TATDN1: variants seen among roughly 807,000 people sequenced by gnomAD.
The protein encoded by TATDN1 is TatD DNase domain containing 1.
TATDN1 carries 40 observed loss-of-function variants against 46.4 expected under a neutral mutation model. The observed-to-expected ratio is 0.86, with a 90% CI of 0.67 to 1.12. The LOEUF is 1.12. TATDN1 is among the 50% of genes most tolerant of loss of function. The probability of loss-of-function intolerance (pLI) is 0.00; values close to 1 mark genes in which losing one functional copy is unlikely to be tolerated. For missense variants in TATDN1, 326 were observed against 348.4 expected, an observed-to-expected ratio of 0.94 and a Z score of 0.51; for synonymous variants, 95 against 105.6, an observed-to-expected ratio of 0.90 and a Z score of 0.62.
At chr8:124,515,692 T>C in intron 6 of TATDN1, 54 bp downstream of exon 6, 1 of 1,539,962 alleles carries the variant, frequency 6.5e-7, no homozygotes, top group Non-Finnish European at 8.9e-7. Flanking sequence ...ACAAGATATT[T>C]TAAAAATCAC....
At chr8:124,538,890 C>T in intron 1 of TATDN1, 135 bp downstream of exon 1, 3 of 978,648 alleles carry the variant, frequency 3.1e-6, no homozygotes, top group Admixed American at 4.0e-5. Flanking sequence ...GAAACCTCCC[C>T]GCGCCCTCCT....
At chr8:124,534,055 A>G (rs1051550713) in intron 1 of TATDN1, among the ~76,000 whole-genome samples, 10 of 144,868 alleles carry the variant, frequency 6.9e-5, no homozygotes, top group African/African-American at 2.6e-4. Flanking sequence ...CTGAGGCAGG[A>G]GAATGGCGTG....
chr8:124,507,316 A>T (rs905599374), intron 8 of TATDN1, among the ~76,000 whole-genome samples: 2 of 152,250 alleles, frequency 1.3e-5, no homozygotes, highest in African/African-American at 4.8e-5. Flanking sequence ...TCTCTAGATC[A>T]GAATAGTAGG....
At chr8:124,504,465 G>T in intron 8 of TATDN1, 118 bp from the exon 9 acceptor site, 2 of 511,220 alleles carry the variant, frequency 3.9e-6, no homozygotes, top group Non-Finnish European at 6.6e-6. Flanking sequence ...GGACCTCAGG[G>T]TTTCAAAGGT....
intron 6 of TATDN1, among the ~76,000 whole-genome samples, chr8:124,512,535 G>C (rs1437418351): frequency 6.6e-6 from 1 of 152,196 alleles, no homozygotes; most frequent in Non-Finnish European, 1.5e-5. Context: ...AATAGTGAAA[G>C]CTGAATTATA....
At chr8:124,517,001 G>C (rs1457203502) in intron 4 of TATDN1, among the ~76,000 whole-genome samples, 4 of 152,228 alleles carry the variant, frequency 2.6e-5, no homozygotes, top group African/African-American at 9.6e-5. Context: ...ACATGGAGAG[G>C]AGTGGAAGAG....
intron 9 of TATDN1, among the ~76,000 whole-genome samples, chr8:124,503,172 G>C (rs1818123082): frequency 6.6e-6 from 1 of 152,144 alleles, no homozygotes. Flanking sequence ...ACGACATTGA[G>C]AGTGATATGC....
At chr8:124,538,951 G>A in intron 1 of TATDN1, 74 bp downstream of exon 1, 2 of 1,585,488 alleles carry the variant, frequency 1.3e-6, no homozygotes, top group East Asian at 2.2e-5. Flanking sequence ...GCAATTCCTG[G>A]GTCCTGTGAC....
intron 6 of TATDN1, among the ~76,000 whole-genome samples, chr8:124,514,206 G>C (rs1216271571): frequency 6.6e-6 from 1 of 152,068 alleles, no homozygotes; most frequent in Admixed American, 6.5e-5. Flanking sequence ...TAGCAGATCT[G>C]CTCCTCCCCA....
In TATDN1 at chr8:124,488,714, CAAAAAT is replaced by C. The variant is rs763154824; in HGVS notation, c.792-24_792-19del. The C allele has an allele frequency of 1.1e-5, 16 of 1,434,304 alleles. No individual in the cohort carries two copies. In the African/African-American group the frequency reaches 1.5e-4, roughly 14 times the overall value. 88.8% of individuals were successfully genotyped at this position (1,434,304 alleles called of 1,614,324 possible). On this transcript the variant is annotated intron_variant, in intron 11 of 11. Transcript: ENST00000276692. ...ATATTTGACTAAAACAAAACAAAAA[CAAAAAT>C]GGTTAAATCTCCAAGTATACATTTA...
chr8:124,515,004 G>A (rs1156505988), intron 6 of TATDN1, among the ~76,000 whole-genome samples: 1 of 152,062 alleles, frequency 6.6e-6, no homozygotes, highest in Non-Finnish European at 1.5e-5. Context: ...TGCTCAGGCT[G>A]GTCTGGAACT....
At chr8:124,499,789 C>T (rs191995982) in intron 9 of TATDN1, among the ~76,000 whole-genome samples, 1 of 151,948 alleles carries the variant, frequency 6.6e-6, no homozygotes, top group African/African-American at 2.4e-5. Context: ...TGTGATCCGC[C>T]CACCTCAGCC....
At chr8:124,532,062 A>G (rs572900573) in intron 1 of TATDN1, among the ~76,000 whole-genome samples, 354 of 151,720 alleles carry the variant, frequency 2.3e-3, no homozygotes, top group Non-Finnish European at 3.7e-3. Flanking sequence ...GGAGGGGAGC[A>G]AGGAAGAAGG....
chr8:124,514,168 T>C (rs905505597), intron 6 of TATDN1, among the ~76,000 whole-genome samples: 33 of 152,282 alleles, frequency 2.2e-4, no homozygotes, highest in African/African-American at 7.0e-4. Context: ...ACTTTGGAGC[T>C]TGAGGTCTAG....
At chr8:124,516,883 C>A (rs1284475708) in intron 4 of TATDN1, among the ~76,000 whole-genome samples, 1 of 152,064 alleles carries the variant, frequency 6.6e-6, no homozygotes, top group East Asian at 1.9e-4. Context: ...TTTTGAATGG[C>A]TTAGCTGAGC....
intron 6 of TATDN1, among the ~76,000 whole-genome samples, chr8:124,509,036 G>A (rs1818778524): frequency 6.6e-6 from 1 of 152,142 alleles, no homozygotes. Context: ...ATTCCATTTT[G>A]CAACCAGTTT....
intron 1 of TATDN1, among the ~76,000 whole-genome samples, chr8:124,525,970 A>C (rs1322456538): frequency 6.6e-6 from 1 of 152,218 alleles, no homozygotes; most frequent in Non-Finnish European, 1.5e-5. Flanking sequence ...AAGGCATTTA[A>C]AATGTTCACA....
intron 1 of TATDN1, among the ~76,000 whole-genome samples, chr8:124,533,196 G>A (rs1196734008): frequency 6.6e-6 from 1 of 151,676 alleles, no homozygotes. Context: ...AGCTTGCAGT[G>A]AGCCAAGATG....
Position 124,495,316 on chromosome 8 carries a change from A to AC in TATDN1, c.664+155dup. On this transcript the variant is annotated intron_variant, in intron 10 of 11. Coordinates refer to ENST00000276692, the MANE Select transcript of TATDN1 (RefSeq NM_032026.4). ...ATTTGCATATGTTTTTCCATTAATAACCCCCAAAGATCTTCTGGAAAACAT... is the reference window on the plus strand; with the variant it reads ...ATTTGCATATGTTTTTCCATTAATAACCCCCCAAAGATCTTCTGGAAAACAT... The AC allele has an allele frequency of 6.3e-6, 4 of 636,708 alleles. 1 individual carries two copies. The South Asian group carries it at 7.5e-5, about 12-fold the overall frequency. The allele number at this position is 636,708 out of a possible 1,614,324, so 39.4% of individuals were successfully genotyped here.
Sources: allele counts gnomAD v4.1 joint callset (sites outside exome capture counted in the v4.1 genomes callset), GRCh38; gene constraint gnomAD v4.1.1; transcripts MANE v1.5; gene names NCBI Gene and HGNC (gene_info 2026-07-23, HGNC 2026-07-21).